The following PMPCA variants were observed in gnomAD, a reference collection of about 807,000 sequenced individuals.
PMPCA encodes peptidase, mitochondrial processing subunit alpha.
In PMPCA, 47 loss-of-function variants were observed where a neutral mutation model predicts 59.3. That is an observed-to-expected ratio of 0.79 (90% CI 0.63 to 1.01). The LOEUF (loss-of-function observed/expected upper bound fraction) is 1.01, where lower values mean the gene tolerates loss of function less well. Ranked by LOEUF, PMPCA falls within the 50% of genes least tolerant of loss-of-function variation. PMPCA has a pLI of 0.00. For synonymous variants in PMPCA, 338 were observed against 290.3 expected, an observed-to-expected ratio of 1.16 and a Z score of -1.67; for missense variants, 726 against 704.5, an observed-to-expected ratio of 1.03 and a Z score of -0.34.
Position 136,418,808 on chromosome 9 carries a change from T to C in PMPCA, c.1110-20T>C. 2 of 1,593,874 alleles carry C rather than the reference T, an allele frequency of 1.3e-6. No homozygotes were observed. The highest frequency in any genetic ancestry group is 1.7e-6 in the Non-Finnish European group (2 of 1,162,762). On this transcript the variant is annotated intron_variant, in intron 9 of 12. Transcript: ENST00000371717. The stretch of plus-strand genomic sequence containing the variant: ...TCCTGGCGAGTCCCCTTCACTCCCA[T>C]GACTCTCGCTTCCTCCCAGGCACCA...
Position 136,414,741 on chromosome 9 carries a change from C to T in PMPCA, c.532+94C>T, listed in dbSNP as rs371160009. On this transcript the variant is annotated intron_variant, in intron 5 of 12. Coordinates refer to ENST00000371717, the MANE Select transcript of PMPCA (RefSeq NM_015160.3). ...GCCCTGTAGCCATGAGGGAGAGCACCATGTAATTGGAGCTTTAGGCCAACA... is the reference window on the plus strand; with the variant it reads ...GCCCTGTAGCCATGAGGGAGAGCACTATGTAATTGGAGCTTTAGGCCAACA... The T allele has an allele frequency of 5.0e-5, 39 of 778,262 alleles. No homozygotes were observed. In the African/African-American group the frequency reaches 6.3e-4, roughly 13 times the overall value. The allele number at this position is 778,262 out of a possible 1,614,324, so 48.2% of individuals were successfully genotyped here. A position where few individuals can be genotyped will look rare whatever the true frequency, so the allele number is the denominator to read the frequency against.
intron 11 of PMPCA, 115 bp downstream of exon 11, chr9:136,419,221 CGGCAGGGCAGGGCAG>C (rs747133484): frequency 9.8e-7 from 1 of 1,024,318 alleles, no homozygotes; most frequent in African/African-American, 1.6e-5. Flanking sequence ...GCCAAGGTCC[CGGCAGGGCAGGGCAG>C]GGCAGGGCGG....
chr9:136,419,589 T>G (rs1362836950), intron 11 of PMPCA: 2 of 192,734 alleles, frequency 1.0e-5, no homozygotes, highest in African/African-American at 4.7e-5. Context: ...CCAATTTTTT[T>G]TTGTTCTTTT....
At chr9:136,417,347 G>A (rs1835311496) in intron 7 of PMPCA, 133 bp downstream of exon 7, 3 of 667,372 alleles carry the variant, frequency 4.5e-6, no homozygotes, top group East Asian at 2.8e-5. Flanking sequence ...AACACATGCT[G>A]TAGTCCCACA....
intron 2 of PMPCA, 69 bp downstream of exon 2, chr9:136,412,268 G>C (rs1441825112): frequency 8.9e-7 from 1 of 1,124,528 alleles, no homozygotes; most frequent in African/African-American, 1.5e-5. Flanking sequence ...TTGACTGTTA[G>C]TTGTAATTAG....
intron 11 of PMPCA, among the ~76,000 whole-genome samples, chr9:136,421,458 G>A (rs1421586881): frequency 6.9e-6 from 1 of 145,028 alleles, no homozygotes; most frequent in African/African-American, 2.6e-5. Context: ...CGCCCAGGCT[G>A]GAGTGCAGTG....
rs912585512 is a variant in PMPCA, at chr9:136,423,494, C to A, written c.*230C>A. 5.7e-6 allele frequency: 3 copies of A among 528,178 alleles called. No individual in the cohort carries two copies. Among genetic ancestry groups the A allele is most frequent in the Non-Finnish European group, 1.0e-5 (3 of 294,820 alleles). The allele number at this position is 528,178 out of a possible 1,614,324, so 32.7% of individuals were successfully genotyped here. ...GCCAGGAAGCAGGTGAAGTGCCCAG[C>A]GCTGGAGTGCAGCGTGCCACGAGGA... is the stretch of plus-strand genomic sequence containing the variant. On this transcript the variant is annotated 3_prime_UTR_variant, in exon 13 of 13. Transcript: ENST00000371717.
intron 5 of PMPCA, among the ~76,000 whole-genome samples, chr9:136,415,083 G>C: frequency 6.6e-6 from 1 of 152,064 alleles, no homozygotes. Context: ...GTGAGGCTTT[G>C]TCTCAAAAAA....
Position 136,417,305 on chromosome 9 carries a change from A to G in PMPCA, c.897+91A>G, listed in dbSNP as rs1835310396. On this transcript the variant is annotated intron_variant, in intron 7 of 12. Coordinates refer to ENST00000371717, the MANE Select transcript of PMPCA (RefSeq NM_015160.3). ...TGTTTTTGTATTGATTCTGAGGGTGATAGGTGTTGACTGCATGTGTAGCTT... is the reference window on the plus strand; with the variant it reads ...TGTTTTTGTATTGATTCTGAGGGTGGTAGGTGTTGACTGCATGTGTAGCTT... 1.8e-5 allele frequency: 20 copies of G among 1,112,012 alleles called. No individual in the cohort carries two copies. Among genetic ancestry groups the G allele is most frequent in the Non-Finnish European group, 2.5e-5 (20 of 785,180 alleles). The allele number at this position is 1,112,012 out of a possible 1,614,324, so 68.9% of individuals were successfully genotyped here.
intron 2 of PMPCA, 140 bp from the exon 3 acceptor site, chr9:136,412,350 A>G (rs1835153544): frequency 1.3e-6 from 1 of 764,744 alleles, no homozygotes; most frequent in Non-Finnish European, 2.3e-6. Context: ...CTACACATAT[A>G]CCTGTGAAAC....
chr9:136,410,690 G>C lies in PMPCA; in HGVS notation c.22G>C (p.Ala8Pro). The C allele has an allele frequency of 7.1e-7, 1 of 1,417,516 alleles. No homozygotes were observed. The highest frequency in any genetic ancestry group is 9.2e-7 in the Non-Finnish European group (1 of 1,087,412). The allele number at this position is 1,417,516 out of a possible 1,614,324, so 87.8% of individuals were successfully genotyped here. A position where few individuals can be genotyped will look rare whatever the true frequency, so the allele number is the denominator to read the frequency against. The change falls in exon 1 of 13, where the codon GCG (alanine) becomes CCG (proline). Residue 8 changes from alanine to proline, a missense_variant. Ala to Pro is a conservative substitution (Grantham distance 27). Transcript: ENST00000371717. ...CAAGATGGCGGCTGTGGTGCTGGCG[G>C]CGACGCGGTTGCTGCGGGGCTCGGG... Reference protein sequence around the residue: MAAVVLAATRLLRGSGSW... With the variant: MAAVVLAPTRLLRGSGSW...
chr9:136,422,172 G>A (rs1307882054), intron 12 of PMPCA, 196 bp downstream of exon 12: 15 of 1,523,806 alleles, frequency 9.8e-6, no homozygotes, highest in Non-Finnish European at 1.3e-5. Flanking sequence ...TCACTTCCCG[G>A]CCCCACCATG....
rs775924253 is a variant in PMPCA at position 136,418,516 on chromosome 9, C to T, written c.991-39C>T. ...GCGTCTGACGGTGCTCCTGACGTGG[C>T]GTGGGTGGTTCAGCCAGCTCTGCCC... On this transcript the variant is annotated intron_variant, in intron 8 of 12. Coordinates refer to ENST00000371717, the MANE Select transcript of PMPCA (RefSeq NM_015160.3). The T allele has an allele frequency of 1.5e-5, 19 of 1,275,832 alleles. No homozygotes were observed. In the Admixed American group the frequency reaches 2.2e-4, roughly 15 times the overall value. 79.0% of individuals were successfully genotyped at this position (1,275,832 alleles called of 1,614,324 possible).
intron 12 of PMPCA, chr9:136,422,228 G>T: frequency 6.9e-7 from 1 of 1,443,796 alleles, no homozygotes. Flanking sequence ...TGCACCCCTG[G>T]GAGGGGCTGT....
chr9:136,423,015 C>T (rs1835502623), intron 12 of PMPCA, 80 bp from the exon 13 acceptor site: 1 of 1,505,982 alleles, frequency 6.6e-7, no homozygotes, highest in South Asian at 1.3e-5. Flanking sequence ...ACCAGCCGCC[C>T]CCTCCGTGTG....
chr9:136,420,138 C>G (rs1346616725), intron 11 of PMPCA: 1 of 145,198 alleles, frequency 6.9e-6, no homozygotes. Flanking sequence ...TGTCACCACC[C>G]TAGCTAATTT....
intron 12 of PMPCA, chr9:136,422,794 C>T (rs1163436070): frequency 8.4e-7 from 1 of 1,186,726 alleles, no homozygotes; most frequent in African/African-American, 1.5e-5. Flanking sequence ...TGCAGGCCGT[C>T]CTAAAGTGAG....
In PMPCA at chr9:136,421,937, C is replaced by T. The variant is rs777721128; in HGVS notation, c.1369C>T (p.Arg457Cys). ...EDVGRQVLAT[R>C]SRKLPHELCT... ...TGTGGGGAGGCAGGTGCTGGCCACT[C>T]GCTCCAGAAAGCTGCCGCACGAGCT... The change falls in exon 12 of 13, where the codon CGC becomes TGC. Residue 457 changes from arginine to cysteine, a missense_variant. Transcript: ENST00000371717. 21 of 1,612,768 alleles carry T rather than the reference C, an allele frequency of 1.3e-5. No homozygotes were observed. The African/African-American group carries it at 1.7e-4, about 13-fold the overall frequency.
At chr9:136,420,125 A>G (rs1395531728) in intron 11 of PMPCA, 1 of 142,610 alleles carries the variant, frequency 7.0e-6, no homozygotes, top group Non-Finnish European at 1.5e-5. Context: ...GATTACAGGC[A>G]TGTGTCACCA....
Sources: gnomAD v4.1 joint callset for allele counts (sites outside exome capture counted in the v4.1 genomes callset) on GRCh38, gnomAD v4.1.1 for gene constraint, MANE v1.5 for transcripts, NCBI Gene and HGNC (gene_info 2026-07-23, HGNC 2026-07-21) for gene names.